Variants in UGGT2 observed in about 807,000 individuals in gnomAD.
UGGT2 encodes the protein UDP-glucose glycoprotein glucosyltransferase 2.
UGGT2 carries 180 observed loss-of-function variants against 192.1 expected under a neutral mutation model. The ratio of observed to expected loss-of-function variants is 0.94; its 90% CI spans 0.83 to 1.06. The LOEUF is 1.06. Ranked by LOEUF, UGGT2 falls within the 50% of genes least tolerant of loss-of-function variation. The pLI is 0.00. For synonymous variants in UGGT2, 580 were observed against 591.0 expected, an observed-to-expected ratio of 0.98 and a Z score of 0.27; for missense variants, 1,849 against 1,795.7, an observed-to-expected ratio of 1.03 and a Z score of -0.54.
intron 38 of UGGT2, among the ~76,000 whole-genome samples, chr13:95,813,096 A>C (rs1284439421): frequency 2.0e-5 from 3 of 152,160 alleles, no homozygotes; most frequent in Admixed American, 2.0e-4. Context: ...AGAATGGCCT[A>C]ATACAGAAAA....
At chr13:95,867,570 GATATAC>G (rs1890789293) in intron 29 of UGGT2, 147 bp from the exon 30 acceptor site, 1 of 570,328 alleles carries the variant, frequency 1.8e-6, no homozygotes, top group Non-Finnish European at 3.0e-6. Context: ...AGTCAATTAA[GATATAC>G]TATAATATGC....
chr13:95,892,871 C>T (rs2047840573), intron 24 of UGGT2, among the ~76,000 whole-genome samples: 1 of 152,064 alleles, frequency 6.6e-6, no homozygotes, highest in Non-Finnish European at 1.5e-5. Flanking sequence ...GTCATTATTG[C>T]CGCAGCCTGC....
intron 29 of UGGT2, among the ~76,000 whole-genome samples, chr13:95,870,807 G>T (rs1345106899): frequency 1.3e-5 from 2 of 152,238 alleles, no homozygotes; most frequent in African/African-American, 2.4e-5. Context: ...CATTGTGGCA[G>T]TATTAAGAGG....
intron 17 of UGGT2, among the ~76,000 whole-genome samples, chr13:95,935,648 G>C (rs1236873567): frequency 6.6e-6 from 1 of 152,124 alleles, no homozygotes; most frequent in African/African-American, 2.4e-5. Context: ...AGTGTTCTCT[G>C]AATTTCTTGT....
At chr13:95,843,249 C>T (rs1246989065) in intron 36 of UGGT2, among the ~76,000 whole-genome samples, 2 of 152,124 alleles carry the variant, frequency 1.3e-5, no homozygotes, top group Admixed American at 1.3e-4. Context: ...GCAATGTATG[C>T]GAATTCTAGC....
At chr13:95,996,554 T>C (rs1347969056) in intron 6 of UGGT2, among the ~76,000 whole-genome samples, 1 of 152,116 alleles carries the variant, frequency 6.6e-6, no homozygotes, top group Non-Finnish European at 1.5e-5. Context: ...TTTTACCTTG[T>C]TTTTCCTTCA....
At chr13:95,870,261 G>C (rs902381722) in intron 29 of UGGT2, among the ~76,000 whole-genome samples, 1 of 152,178 alleles carries the variant, frequency 6.6e-6, no homozygotes, top group African/African-American at 2.4e-5. Context: ...CCCACCTTTA[G>C]CATACACTGC....
chr13:95,836,471 G>A (rs1887302047), intron 37 of UGGT2, among the ~76,000 whole-genome samples: 1 of 152,172 alleles, frequency 6.6e-6, no homozygotes, highest in Non-Finnish European at 1.5e-5. Context: ...GGGAACACAG[G>A]GTTCAGGATG....
intron 12 of UGGT2, among the ~76,000 whole-genome samples, chr13:95,952,494 A>C (rs764345124): frequency 2.6e-5 from 4 of 152,222 alleles, no homozygotes; most frequent in Admixed American, 1.3e-4. Flanking sequence ...CGTAATGCCT[A>C]ATACAATGTA....
intron 17 of UGGT2, among the ~76,000 whole-genome samples, chr13:95,931,091 T>C (rs2049246356): frequency 6.6e-6 from 1 of 151,908 alleles, no homozygotes; most frequent in Admixed American, 6.6e-5. Context: ...AGAGAGCTGA[T>C]TGGTCTGTTT....
intron 25 of UGGT2, among the ~76,000 whole-genome samples, chr13:95,888,353 G>A (rs144702166): frequency 6.6e-6 from 1 of 152,134 alleles, no homozygotes; most frequent in South Asian, 2.1e-4. Context: ...GTGGTGTCCT[G>A]ATTCTTTTGG....
intron 36 of UGGT2, among the ~76,000 whole-genome samples, chr13:95,851,953 G>A (rs1049796282): frequency 4.6e-5 from 7 of 151,830 alleles, no homozygotes; most frequent in Admixed American, 6.6e-5. Flanking sequence ...ATTCATAATC[G>A]AAATCTGGCA....
intron 38 of UGGT2, among the ~76,000 whole-genome samples, chr13:95,814,293 G>A (rs547793099): frequency 9.2e-5 from 14 of 152,218 alleles, no homozygotes; most frequent in Non-Finnish European, 1.8e-4. Context: ...GAGTAGCCTC[G>A]GGGGTTGAAC....
At position 95,960,683 on chromosome 13, in the gene UGGT2, A is replaced by C. The variant is rs190058027; in HGVS notation, c.1335+9429T>G. Among the ~76,000 whole-genome samples, 234 of 152,342 alleles carry C rather than the reference A, an allele frequency of 1.5e-3. 1 individual carries two copies. Among genetic ancestry groups the C allele is most frequent in the African/African-American group, 5.3e-3 (219 of 41,594 alleles). ...TAATGAGATTTAGATATCCAAATAC[A>C]GGAGGCACAGAGATTCCCAAATAGA... On this transcript the variant is annotated intron_variant, in intron 12 of 38. Transcript: ENST00000376747.
chr13:96,028,247 C>T (rs533613574), intron 2 of UGGT2, among the ~76,000 whole-genome samples: 4 of 152,332 alleles, frequency 2.6e-5, no homozygotes, highest in South Asian at 4.1e-4. Context: ...AAATGTGGCA[C>T]GTCCAAATTC....
chr13:95,855,313 T>C (rs994584607), intron 34 of UGGT2, among the ~76,000 whole-genome samples: 3 of 151,748 alleles, frequency 2.0e-5, no homozygotes, highest in Non-Finnish European at 4.4e-5. Context: ...ATACTTTTTG[T>C]TCCACATAAA....
chr13:95,904,766 G>GTGTC (rs951263855), intron 20 of UGGT2, among the ~76,000 whole-genome samples: 10 of 152,182 alleles, frequency 6.6e-5, no homozygotes, highest in African/African-American at 2.4e-4. Context: ...ATGTGTGCAT[G>GTGTC]TGTCTTTATA....
intron 16 of UGGT2, among the ~76,000 whole-genome samples, chr13:95,938,473 G>C (rs1481191371): frequency 6.6e-6 from 1 of 152,130 alleles, no homozygotes; most frequent in East Asian, 1.9e-4. Flanking sequence ...CAGATACAGA[G>C]AGATTAAATC....
chr13:95,927,466 C>CT (rs1566709199), intron 17 of UGGT2, 130 bp from the exon 18 acceptor site: 18 of 590,668 alleles, frequency 3.0e-5, no homozygotes, highest in East Asian at 7.5e-5. Context: ...AATACATTTT[C>CT]TTTCTTTTTT....
Sources: gnomAD v4.1 joint callset for allele counts (sites outside exome capture counted in the v4.1 genomes callset) on GRCh38, gnomAD v4.1.1 for gene constraint, MANE v1.5 for transcripts, NCBI Gene and HGNC (gene_info 2026-07-23, HGNC 2026-07-21) for gene names.